Variants in RCAN2 observed in about 807,000 individuals in gnomAD.
The protein encoded by RCAN2 is calcipressin-2.
In RCAN2, 9 loss-of-function variants were observed where a neutral mutation model predicts 23.6. The observed-to-expected ratio is 0.38, with a 90% confidence interval of 0.23 to 0.67. RCAN2 has a LOEUF of 0.67. Ranked by LOEUF, RCAN2 falls within the 30% of genes least tolerant of loss-of-function variation. The probability of loss-of-function intolerance (pLI) is 0.51; values close to 1 mark genes in which losing one functional copy is unlikely to be tolerated. For missense variants in RCAN2, 273 were observed against 302.3 expected (o/e 0.90, Z 0.72); for synonymous variants, 109 against 115.7 (o/e 0.94, Z 0.37).
At chr6:46,469,046 C>G (rs1768476972) in intron 1 of RCAN2, among the ~76,000 whole-genome samples, 1 of 152,176 alleles carries the variant, frequency 6.6e-6, no homozygotes. Context: ...CTCTGTTTCT[C>G]TCTCAAATCT....
chr6:46,227,602 T>TTTGA (rs1765717053), intron 4 of RCAN2, among the ~76,000 whole-genome samples: 2 of 151,970 alleles, frequency 1.3e-5, no homozygotes, highest in South Asian at 2.1e-4. Flanking sequence ...CTGATGGTAG[T>TTTGA]TTGTATTTCT....
chr6:46,426,489 C>G (rs1767036260), intron 2 of RCAN2, among the ~76,000 whole-genome samples: 1 of 152,128 alleles, frequency 6.6e-6, no homozygotes, highest in Non-Finnish European at 1.5e-5. Context: ...TAGTACTAAT[C>G]ACTTTAATTA....
At chr6:46,477,845 G>C (rs950679479) in intron 1 of RCAN2, among the ~76,000 whole-genome samples, 3 of 152,064 alleles carry the variant, frequency 2.0e-5, no homozygotes, top group African/African-American at 7.2e-5. Context: ...TCAGAGAAAG[G>C]AACAGAAAAG....
chr6:46,394,719 CT>C (rs1387402121), intron 2 of RCAN2, among the ~76,000 whole-genome samples: 2 of 152,132 alleles, frequency 1.3e-5, no homozygotes, highest in Non-Finnish European at 2.9e-5. Flanking sequence ...GGAGGACCTG[CT>C]TTACCTTTTA....
intron 4 of RCAN2, among the ~76,000 whole-genome samples, chr6:46,232,921 G>A (rs1420161468): frequency 1.3e-5 from 2 of 152,208 alleles, no homozygotes; most frequent in South Asian, 2.1e-4. Flanking sequence ...GGGTGGTGAC[G>A]GTTACATGGA....
intron 1 of RCAN2, among the ~76,000 whole-genome samples, chr6:46,490,321 TAAAA>T (rs1461909465): frequency 1.3e-5 from 2 of 152,182 alleles, no homozygotes; most frequent in East Asian, 1.9e-4. Flanking sequence ...AACTGAGACT[TAAAA>T]AAACTTCATT....
rs561338123 is a variant in RCAN2 at position 46,418,112 on chromosome 6, A to G, written c.225+38640T>C. Among the ~76,000 whole-genome samples, 352 of 152,346 alleles carry G rather than the reference A, an allele frequency of 2.3e-3. 1 individual carries two copies. Among genetic ancestry groups the G allele is most frequent in the South Asian group, 9.7e-3 (47 of 4,824 alleles). On this transcript the variant is annotated intron_variant, in intron 2 of 4. Transcript: ENST00000371374. ...ACTATCCTTATTTAAACTTCAAGAA[A>G]GGAAAATTATGATAATATAGTAATA...
chr6:46,473,276 T>C (rs967313921), intron 1 of RCAN2, among the ~76,000 whole-genome samples: 44 of 152,174 alleles, frequency 2.9e-4, no homozygotes, highest in African/African-American at 1.0e-3. Context: ...TGATCCTCCA[T>C]GATAATCAAT....
intron 2 of RCAN2, among the ~76,000 whole-genome samples, chr6:46,283,658 T>C (rs548346938): frequency 2.0e-5 from 3 of 152,324 alleles, no homozygotes; most frequent in East Asian, 3.9e-4. Flanking sequence ...ACTGCCTTGA[T>C]GGTGGGTTGT....
intron 2 of RCAN2, among the ~76,000 whole-genome samples, chr6:46,259,639 C>G (rs1161293674): frequency 6.6e-6 from 1 of 152,182 alleles, no homozygotes; most frequent in Non-Finnish European, 1.5e-5. Context: ...TACGCTTTAA[C>G]TCAATTCTGA....
chr6:46,471,868 A>G (rs1043225579), intron 1 of RCAN2, among the ~76,000 whole-genome samples: 1 of 152,106 alleles, frequency 6.6e-6, no homozygotes, highest in African/African-American at 2.4e-5. Flanking sequence ...ACCTTCTTCA[A>G]CAGTCAACAA....
At chr6:46,371,380 G>A (rs1765316013) in intron 2 of RCAN2, among the ~76,000 whole-genome samples, 1 of 152,222 alleles carries the variant, frequency 6.6e-6, no homozygotes, top group Non-Finnish European at 1.5e-5. Context: ...GCACAGGGCT[G>A]CTGGCCATGC....
intron 4 of RCAN2, among the ~76,000 whole-genome samples, chr6:46,241,470 C>T (rs1165274290): frequency 4.6e-5 from 7 of 152,230 alleles, no homozygotes; most frequent in South Asian, 2.1e-4. Context: ...TTGATCTGCA[C>T]GTCCTGCTGG....
chr6:46,397,057 G>A (rs1029751643), intron 2 of RCAN2, among the ~76,000 whole-genome samples: 10 of 149,226 alleles, frequency 6.7e-5, no homozygotes, highest in Admixed American at 2.7e-4. Flanking sequence ...GTTGCAGTGC[G>A]CCGAGATCAC....
At chr6:46,359,247 A>T (rs551108699) in intron 2 of RCAN2, among the ~76,000 whole-genome samples, 3 of 152,330 alleles carry the variant, frequency 2.0e-5, no homozygotes, top group Admixed American at 1.3e-4. Context: ...AGAACAAGTG[A>T]CTTTTGTTGG....
intron 2 of RCAN2, among the ~76,000 whole-genome samples, chr6:46,399,033 C>T (rs749697595): frequency 7.9e-5 from 12 of 151,900 alleles, no homozygotes; most frequent in African/African-American, 2.7e-4. Context: ...CAACTGGAGT[C>T]GACAACAATC....
intron 2 of RCAN2, among the ~76,000 whole-genome samples, chr6:46,339,892 A>G (rs1192801639): frequency 6.6e-6 from 1 of 152,172 alleles, no homozygotes; most frequent in Admixed American, 6.5e-5. Flanking sequence ...AGGCTACCTC[A>G]GTGGAAAGCC....
At chr6:46,403,100 G>A (rs1195594577) in intron 2 of RCAN2, among the ~76,000 whole-genome samples, 1 of 152,008 alleles carries the variant, frequency 6.6e-6, no homozygotes, top group African/African-American at 2.4e-5. Context: ...GAGTAGCTGG[G>A]ACTACAGGCG....
intron 2 of RCAN2, among the ~76,000 whole-genome samples, chr6:46,410,895 A>C (rs1256862401): frequency 1.3e-5 from 2 of 152,206 alleles, no homozygotes; most frequent in Admixed American, 6.5e-5. Context: ...ACAGACTGAA[A>C]AGCCTTTTGC....
Sources: allele counts gnomAD v4.1 joint callset (sites outside exome capture counted in the v4.1 genomes callset), GRCh38; gene constraint gnomAD v4.1.1; transcripts MANE v1.5; gene names NCBI Gene and HGNC (gene_info 2026-07-23, HGNC 2026-07-21).